NUMB: variants seen among roughly 807,000 people sequenced by gnomAD.
NUMB encodes protein numb homolog.
In NUMB, 29 loss-of-function variants were observed where a neutral mutation model predicts 59.7. The observed-to-expected ratio is 0.49, with a 90% confidence interval of 0.36 to 0.66. The LOEUF is 0.66. Ranked by LOEUF, NUMB falls within the 30% of genes least tolerant of loss-of-function variation. The pLI is 0.00. For missense variants in NUMB, 723 were observed against 822.0 expected (o/e 0.88, Z 1.47); for synonymous variants, 288 against 288.2 (o/e 1.00, Z 0.01).
chr14:73,277,048 C>T lies in NUMB; in HGVS notation c.1486G>A (p.Gly496Ser). The T allele has an allele frequency of 6.2e-7, 1 of 1,614,088 alleles. No individual in the cohort carries two copies. The highest frequency in any genetic ancestry group is 8.5e-7 in the Non-Finnish European group (1 of 1,180,036). ...AFLTSQPVPV[G>S]VVPALQPAFV... ...GCTGGTTGCAGGGCTGGGACCACAC[C>T]CACTGGCACAGGCTGAGAGGTGAGG... The change falls in exon 13 of 13, where the codon GGT (glycine) becomes AGT (serine). Residue 496 changes from glycine to serine, a missense_variant. Physicochemically the swap from Gly to Ser is moderately conservative, Grantham distance 56. Transcript: ENST00000555238.
At chr14:73,417,595 T>C (rs969305974) in intron 1 of NUMB, among the ~76,000 whole-genome samples, 1 of 151,168 alleles carries the variant, frequency 6.6e-6, no homozygotes, top group African/African-American at 2.4e-5. Context: ...ACATCTATAA[T>C]GTAAAAAAAC....
intron 1 of NUMB, among the ~76,000 whole-genome samples, chr14:73,434,785 T>C (rs755390984): frequency 1.3e-5 from 2 of 152,186 alleles, no homozygotes; most frequent in Non-Finnish European, 2.9e-5. Context: ...TTTTGAATCA[T>C]TCAACTTATC....
chr14:73,382,291 C>T (rs1365107395), intron 2 of NUMB, among the ~76,000 whole-genome samples: 2 of 152,060 alleles, frequency 1.3e-5, no homozygotes, highest in Non-Finnish European at 2.9e-5. Context: ...GGATTACAGG[C>T]GCATGCCATC....
At chr14:73,293,548 C>T (rs1478976219) in intron 7 of NUMB, among the ~76,000 whole-genome samples, 3 of 152,014 alleles carry the variant, frequency 2.0e-5, no homozygotes, top group Admixed American at 6.5e-5. Flanking sequence ...TGTGCCACCA[C>T]GCCCGGCTAA....
At chr14:73,398,411 AGAGAGTGTGT>A (rs1328530313) in intron 2 of NUMB, among the ~76,000 whole-genome samples, 2 of 104,060 alleles carry the variant, frequency 1.9e-5, no homozygotes, top group African/African-American at 4.4e-5. Flanking sequence ...AGAGAGAGAG[AGAGAGTGTGT>A]GTGTGTGTGT....
In NUMB at chr14:73,275,294, T is replaced by C. The variant is rs1260568227; in HGVS notation, c.*1284A>G. 2 of 152,622 alleles carry C rather than the reference T, an allele frequency of 1.3e-5. No homozygotes were observed. Among genetic ancestry groups the C allele is most frequent in the African/African-American group, 4.8e-5 (2 of 41,436 alleles). The allele number at this position is 152,622 out of a possible 1,614,324, so 9.5% of individuals were successfully genotyped here. On this transcript the variant is annotated 3_prime_UTR_variant, in exon 13 of 13. Coordinates refer to ENST00000555238, the MANE Select transcript of NUMB (RefSeq NM_001005743.2). ...CAAATATATATAACTTACATTTGAT[T>C]GTAAGGCCAACGTTCAAAAGTAAAA...
chr14:73,379,261 T>C (rs1040863274), intron 2 of NUMB, among the ~76,000 whole-genome samples: 1 of 152,236 alleles, frequency 6.6e-6, no homozygotes, highest in Non-Finnish European at 1.5e-5. Flanking sequence ...CACGTAAGTG[T>C]TGCTTTTTAA....
chr14:73,323,233 T>G, intron 4 of NUMB, 29 bp from the exon 5 acceptor site: 1 of 1,486,732 alleles, frequency 6.7e-7, no homozygotes, highest in Non-Finnish European at 9.4e-7. Flanking sequence ...GTTAGGGCTA[T>G]TGCTATGTTT....
intron 5 of NUMB, among the ~76,000 whole-genome samples, chr14:73,317,949 C>T (rs1891177307): frequency 6.6e-6 from 1 of 152,236 alleles, no homozygotes; most frequent in East Asian, 1.9e-4. Context: ...ATTCAGTGCT[C>T]TCCAACACTG....
intron 3 of NUMB, among the ~76,000 whole-genome samples, chr14:73,363,432 T>C (rs929312955): frequency 2.0e-5 from 3 of 152,104 alleles, no homozygotes; most frequent in Admixed American, 1.3e-4. Flanking sequence ...CGGCAAAATA[T>C]TAAACCCATC....
chr14:73,305,067 G>A lies in NUMB; in HGVS notation c.235-7782C>T, dbSNP rs994513265. On this transcript the variant is annotated intron_variant, in intron 6 of 12. Coordinates refer to ENST00000555238, the MANE Select transcript of NUMB (RefSeq NM_001005743.2). ...CAGGTGTGAGCTACCGCGCCTGGCC[G>A]AAATGAGTTTTTAAATTGTTGAAAT... 8.5e-5 allele frequency among the ~76,000 whole-genome samples: 13 copies of A among 152,088 alleles called. 1 individual carries two copies. The highest frequency in any genetic ancestry group is 1.9e-4 in the African/African-American group (8 of 41,424).
At chr14:73,376,540 A>T (rs1428660295) in intron 2 of NUMB, among the ~76,000 whole-genome samples, 1 of 151,992 alleles carries the variant, frequency 6.6e-6, no homozygotes, top group Admixed American at 6.6e-5. Context: ...AAAAAAAAAA[A>T]ACAAGTAAAA....
In NUMB at chr14:73,406,097, T is replaced by G. The variant is rs549917815; in HGVS notation, c.-101+3840A>C. Among the ~76,000 whole-genome samples the G allele has an allele frequency of 1.3e-3, 143 of 106,166 alleles. 1 individual carries two copies. The highest frequency in any genetic ancestry group is 2.1e-3 in the Non-Finnish European group (111 of 53,524). 69.6% of individuals were successfully genotyped at this position (106,166 alleles called of 152,430 possible). On this transcript the variant is annotated intron_variant, in intron 2 of 12. Coordinates refer to ENST00000555238, the MANE Select transcript of NUMB (RefSeq NM_001005743.2). ...CAGAATATTAACATATTTTTGTTTT[T>G]TTTTTTTTTTATTATACTTTAAGTT...
intron 6 of NUMB, among the ~76,000 whole-genome samples, chr14:73,309,208 T>G (rs906941236): frequency 6.6e-6 from 1 of 152,220 alleles, no homozygotes; most frequent in Non-Finnish European, 1.5e-5. Flanking sequence ...AGATGCACTT[T>G]TAAAGAATAG....
intron 4 of NUMB, among the ~76,000 whole-genome samples, chr14:73,342,868 A>C (rs986725992): frequency 1.3e-5 from 2 of 152,182 alleles, no homozygotes; most frequent in Admixed American, 1.3e-4. Flanking sequence ...GCTTTGAGAC[A>C]GGTTCTTACT....
intron 2 of NUMB, among the ~76,000 whole-genome samples, chr14:73,393,850 T>TTAG (rs755313957): frequency 3.3e-5 from 5 of 152,246 alleles, no homozygotes; most frequent in Non-Finnish European, 7.3e-5. Flanking sequence ...CTTTGCACCA[T>TTAG]TAGTAGCAAC....
In NUMB at chr14:73,393,282, A is replaced by ACTT. The variant is rs1189448586; in HGVS notation, c.-101+16654_-101+16655insAAG. ...CTTGACTAAGGCTAGACAGCTATCC[A>ACTT]GTCTACCACACTGTAGTGGAAGGTA... On this transcript the variant is annotated intron_variant, in intron 2 of 12. Coordinates refer to ENST00000555238, the MANE Select transcript of NUMB (RefSeq NM_001005743.2). 1.2e-3 allele frequency among the ~76,000 whole-genome samples: 176 copies of ACTT among 152,368 alleles called. 1 individual carries two copies. The highest frequency in any genetic ancestry group is 2.0e-3 in the Non-Finnish European group (134 of 68,034).
intron 4 of NUMB, among the ~76,000 whole-genome samples, chr14:73,346,747 C>A (rs530680478): frequency 6.6e-6 from 1 of 152,234 alleles, no homozygotes; most frequent in Admixed American, 6.5e-5. Context: ...TCTGTCTTCA[C>A]TTCCTATTTC....
intron 1 of NUMB, among the ~76,000 whole-genome samples, chr14:73,437,461 T>C (rs958404378): frequency 6.6e-6 from 1 of 152,182 alleles, no homozygotes; most frequent in African/African-American, 2.4e-5. Flanking sequence ...CATAGGGAGA[T>C]ACAACCTGGA....
Sources: gnomAD v4.1 joint callset for allele counts (sites outside exome capture counted in the v4.1 genomes callset) on GRCh38, gnomAD v4.1.1 for gene constraint, MANE v1.5 for transcripts, NCBI Gene and HGNC (gene_info 2026-07-23, HGNC 2026-07-21) for gene names.